The following ARL8B variants were observed in gnomAD, a reference collection of about 807,000 sequenced individuals.
ARL8B encodes ARF like GTPase 8B.
Under a neutral mutation model 30.6 loss-of-function variants are expected in ARL8B, and 9 were observed. The observed-to-expected ratio is 0.29, with a 90% confidence interval of 0.18 to 0.51. The LOEUF (loss-of-function observed/expected upper bound fraction) is 0.51. Among genes scored for constraint, ARL8B ranks in the 20% least tolerant of loss-of-function variants. The pLI, the probability that ARL8B is intolerant of heterozygous loss-of-function variation, is 0.97. For synonymous variants in ARL8B, 74 were observed against 76.0 expected (o/e 0.97, Z 0.14); for missense variants, 130 against 227.2 (o/e 0.57, Z 2.75).
chr3:5,155,890 TTG>T (rs147206469), intron 1 of ARL8B, among the ~76,000 whole-genome samples: 11 of 147,644 alleles, frequency 7.5e-5, no homozygotes, highest in African/African-American at 2.0e-4. Context: ...AAGATAATTT[TTG>T]TGTGTGTGTG....
chr3:5,146,561 T>C (rs11918654), intron 1 of ARL8B, among the ~76,000 whole-genome samples: 60,023 of 152,068 alleles, frequency 0.39, 13,737 homozygotes, highest in African/African-American at 0.65. Context: ...TTTAACCCTC[T>C]GCTGTTGCCT....
intron 6 of ARL8B, among the ~76,000 whole-genome samples, chr3:5,177,379 T>A (rs574897502): frequency 6.6e-6 from 1 of 152,354 alleles, no homozygotes; most frequent in African/African-American, 2.4e-5. Flanking sequence ...TTTTTGCCTA[T>A]TCATAAAGAT....
At chr3:5,167,463 TTCTA>T (rs1175971767) in intron 1 of ARL8B, among the ~76,000 whole-genome samples, 3 of 152,138 alleles carry the variant, frequency 2.0e-5, no homozygotes, top group Non-Finnish European at 4.4e-5. Context: ...TAGGGTTAGG[TTCTA>T]TCTGTGATGT....
chr3:5,140,411 T>C (rs1339891687), intron 1 of ARL8B, among the ~76,000 whole-genome samples: 1 of 152,212 alleles, frequency 6.6e-6, no homozygotes, highest in Non-Finnish European at 1.5e-5. Context: ...AAGAAGCCCC[T>C]TTACTCTTTC....
At chr3:5,176,156 AT>A (rs1387182822) in intron 6 of ARL8B, among the ~76,000 whole-genome samples, 2 of 152,086 alleles carry the variant, frequency 1.3e-5, no homozygotes, top group African/African-American at 4.8e-5. Flanking sequence ...TTATGCTGAT[AT>A]TTTTTCTTTA....
intron 1 of ARL8B, among the ~76,000 whole-genome samples, chr3:5,136,779 A>G (rs1313408873): frequency 1.3e-5 from 2 of 152,178 alleles, no homozygotes; most frequent in East Asian, 3.8e-4. Context: ...GAGACGCCCA[A>G]GATACCAATT....
chr3:5,153,510 C>G (rs1328115851), intron 1 of ARL8B, among the ~76,000 whole-genome samples: 1 of 152,168 alleles, frequency 6.6e-6, no homozygotes, highest in South Asian at 2.1e-4. Context: ...TCCATTAAAC[C>G]TCTTTCTTTT....
chr3:5,180,312 C>CT lies in ARL8B; in HGVS notation c.*1601dup, dbSNP rs1394931580. The stretch of plus-strand genomic sequence containing the variant: ...GAATCTGGGCTTTTAAATTTCTCTT[C>CT]TTATTCTTTGAAGCATGTTGCATAC... On this transcript the variant is annotated 3_prime_UTR_variant, in exon 7 of 7. Coordinates refer to ENST00000256496, the MANE Select transcript of ARL8B (RefSeq NM_018184.3). 3 of 152,408 alleles carry CT rather than the reference C, an allele frequency of 2.0e-5. No individual in the cohort carries two copies. The highest frequency in any genetic ancestry group is 7.2e-5 in the African/African-American group (3 of 41,450). 9.4% of individuals were successfully genotyped at this position (152,408 alleles called of 1,614,324 possible). A position where few individuals can be genotyped will look rare whatever the true frequency, so the allele number is the denominator to read the frequency against.
chr3:5,135,756 C>CTATTATTATTATTAT (rs111824873), intron 1 of ARL8B, among the ~76,000 whole-genome samples: 7 of 126,934 alleles, frequency 5.5e-5, no homozygotes, highest in East Asian at 2.4e-4. Flanking sequence ...CGCACCTGGC[C>CTATTATTATTATTAT]TATTATTATT....
chr3:5,130,345 T>A (rs2054271867), intron 1 of ARL8B, among the ~76,000 whole-genome samples: 2 of 151,804 alleles, frequency 1.3e-5, no homozygotes, highest in Non-Finnish European at 2.9e-5. Flanking sequence ...AGTTCTTTTT[T>A]GTTGAGCTTC....
intron 1 of ARL8B, among the ~76,000 whole-genome samples, chr3:5,158,144 C>T (rs572845995): frequency 1.2e-4 from 18 of 152,174 alleles, no homozygotes; most frequent in African/African-American, 4.1e-4. Context: ...CCACCACTCC[C>T]GGCTCATTTC....
intron 1 of ARL8B, among the ~76,000 whole-genome samples, chr3:5,136,229 T>C (rs745592160): frequency 6.6e-6 from 1 of 152,202 alleles, no homozygotes; most frequent in African/African-American, 2.4e-5. Context: ...TTTTATAAAA[T>C]GTTTTCACGT....
chr3:5,152,761 C>G (rs1469217288), intron 1 of ARL8B, among the ~76,000 whole-genome samples: 1 of 152,174 alleles, frequency 6.6e-6, no homozygotes, highest in East Asian at 1.9e-4. Flanking sequence ...GCTGGAATTA[C>G]AGGCATGAGC....
intron 1 of ARL8B, among the ~76,000 whole-genome samples, chr3:5,160,038 A>T (rs13093380): frequency 0.42 from 63,078 of 151,944 alleles, 14,571 homozygotes; most frequent in African/African-American, 0.64. Flanking sequence ...CTCCCTACTT[A>T]AGAACCCCAC....
At position 5,122,329 on chromosome 3, in the gene ARL8B, G is replaced by T; in HGVS notation, c.-137G>T. 4 of 1,528,898 alleles carry T rather than the reference G, an allele frequency of 2.6e-6. No individual in the cohort carries two copies. Among genetic ancestry groups the T allele is most frequent in the Non-Finnish European group, 3.5e-6 (4 of 1,139,018 alleles). The allele number at this position is 1,528,898 out of a possible 1,614,324, so 94.7% of individuals were successfully genotyped here. A position where few individuals can be genotyped will look rare whatever the true frequency, so the allele number is the denominator to read the frequency against. On this transcript the variant is annotated 5_prime_UTR_variant, in exon 1 of 7. Transcript: ENST00000256496. The stretch of plus-strand genomic sequence containing the variant: ...CGGCTTCCTGGGTCTGGCTGCTGCC[G>T]CCCGCCGGTGTCCGCCCGTGTCGCG...
At chr3:5,159,193 G>C (rs1310395927) in intron 1 of ARL8B, among the ~76,000 whole-genome samples, 1 of 151,752 alleles carries the variant, frequency 6.6e-6, no homozygotes, top group Admixed American at 6.6e-5. Flanking sequence ...CCAGTTACTT[G>C]GGAGGCTGAG....
chr3:5,171,593 C>G (rs2054676616), intron 2 of ARL8B, among the ~76,000 whole-genome samples: 2 of 152,098 alleles, frequency 1.3e-5, no homozygotes, highest in South Asian at 2.1e-4. Flanking sequence ...AGTGATCCAC[C>G]CGCCTCGGCC....
At chr3:5,134,042 A>C (rs2054305426) in intron 1 of ARL8B, among the ~76,000 whole-genome samples, 1 of 152,224 alleles carries the variant, frequency 6.6e-6, no homozygotes, top group Non-Finnish European at 1.5e-5. Context: ...TGCTATATTT[A>C]AGTTCAGTGG....
At position 5,122,494 on chromosome 3, in the gene ARL8B, A is replaced by C. The variant is rs1266461023; in HGVS notation, c.29A>C (p.Asp10Ala). Reference protein sequence around the residue: MLALISRLLDWFRSLFWKEE... With the variant: MLALISRLLAWFRSLFWKEE... ...CTGGCGCTCATCTCCCGCCTGCTGG[A>C]CTGGTTCCGTTCGCTCTTCTGGAAG... is the stretch of plus-strand genomic sequence containing the variant. The change falls in exon 1 of 7, where the codon GAC (aspartate) becomes GCC (alanine). Residue 10 changes from aspartate to alanine, a missense_variant. Asp to Ala is a moderately radical substitution (Grantham distance 126). Coordinates refer to ENST00000256496, the MANE Select transcript of ARL8B (RefSeq NM_018184.3). 13 of 1,613,562 alleles carry C rather than the reference A, an allele frequency of 8.1e-6. No homozygotes were observed. The highest frequency in any genetic ancestry group is 1.1e-5 in the Non-Finnish European group (13 of 1,179,746).
Sources: gnomAD v4.1 joint callset for allele counts (sites outside exome capture counted in the v4.1 genomes callset) on GRCh38, gnomAD v4.1.1 for gene constraint, MANE v1.5 for transcripts, NCBI Gene and HGNC (gene_info 2026-07-23, HGNC 2026-07-21) for gene names.